Variants in VILL observed in about 807,000 individuals in gnomAD.
The protein encoded by VILL is villin-like protein.
In VILL, 102 loss-of-function variants were observed where a neutral mutation model predicts 106.3. The ratio of observed to expected loss-of-function variants is 0.96; its 90% confidence interval spans 0.82 to 1.13. VILL has a LOEUF of 1.13. VILL is among the 50% of genes most tolerant of loss of function. The pLI is 0.00. For synonymous variants in VILL, 431 were observed against 440.3 expected, an observed-to-expected ratio of 0.98 and a Z score of 0.27; for missense variants, 1,076 against 1,116.6, an observed-to-expected ratio of 0.96 and a Z score of 0.52.
At chr3:38,002,762 C>A in intron 14 of VILL, 187 bp downstream of exon 14, 1 of 704,124 alleles carries the variant, frequency 1.4e-6, no homozygotes, top group Non-Finnish European at 2.3e-6. Flanking sequence ...GACAGGTGGA[C>A]CTGAGAGTCC....
Position 38,001,808 on chromosome 3 carries a change from G to A in VILL, c.1427G>A (p.Ser476Asn). 3 of 1,614,170 alleles carry A rather than the reference G, an allele frequency of 1.9e-6. No homozygotes were observed. The highest frequency in any genetic ancestry group is 2.5e-6 in the Non-Finnish European group (3 of 1,180,000). Residue 476 changes from serine (S) to asparagine (N), a missense_variant, in exon 13 of 20, where the codon AGC becomes AAC. Ser to Asn is a conservative substitution (Grantham distance 46). Transcript: ENST00000383759. Reference sequence around the variant, plus strand: ...GTACAGGAGCATGTGACCATGGGCAGCGAGCCCCCCCACTTCCTCGCCATC... The same window carrying A: ...GTACAGGAGCATGTGACCATGGGCAACGAGCCCCCCCACTTCCTCGCCATC... ...VLVQEHVTMGSEPPHFLAIFQ... is the reference protein window; with the variant it reads ...VLVQEHVTMGNEPPHFLAIFQ...
At position 37,998,291 on chromosome 3, in the gene VILL, G is replaced by T; in HGVS notation, c.869G>T (p.Gly290Val). 6.2e-7 allele frequency: 1 copy of T among 1,614,158 alleles called. No homozygotes were observed. Among genetic ancestry groups the T allele is most frequent in the Non-Finnish European group, 8.5e-7 (1 of 1,180,014 alleles). Residue 290 changes from glycine to valine, a missense_variant, in exon 9 of 20, where the codon GGC becomes GTC. Transcript: ENST00000383759. This position sits in a 1 kb window ranked among gnomAD's most constrained non-coding sequence, Gnocchi z 4.1. ...GACTTCTACATCCTGGACCAGGGTG[G>T]CTTCAAGATCTATGTGTGGCAGGGA... ...EEDFYILDQG[G>V]FKIYVWQGRM...
At chr3:37,993,223 AGACTC>A (rs1699635077) in intron 1 of VILL, among the ~76,000 whole-genome samples, 1 of 152,238 alleles carries the variant, frequency 6.6e-6, no homozygotes, top group South Asian at 2.1e-4. Context: ...CACAGAGCAC[AGACTC>A]GAGCAAGCTA....
chr3:37,996,828 A>C (rs1309270828), intron 5 of VILL, among the ~76,000 whole-genome samples: 1 of 152,192 alleles, frequency 6.6e-6, no homozygotes, highest in African/African-American at 2.4e-5. Flanking sequence ...CACACACACA[A>C]AAGATAAACA....
At chr3:37,996,627 C>G (rs1197631238) in intron 5 of VILL, among the ~76,000 whole-genome samples, 1 of 152,150 alleles carries the variant, frequency 6.6e-6, no homozygotes, top group Admixed American at 6.5e-5. Context: ...AGTGACCATA[C>G]ATCTCTGGTC....
rs752506212 is a variant in VILL at position 38,006,232 on chromosome 3, A to T, written c.2185A>T (p.Thr729Ser). ...GGATGGCAGCCCGGCAGCAGCATCA[A>T]CCATCTCTGAGATAACAGCAGTGAG... ...VVDGSPAAASTISEITAEVNN... is the reference protein window; with the variant it reads ...VVDGSPAAASSISEITAEVNN... Residue 729 changes from threonine to serine, a missense_variant, in exon 18 of 20, where the codon ACC becomes TCC. Thr to Ser is a moderately conservative substitution (Grantham distance 58). Transcript: ENST00000383759. 1 of 1,614,206 alleles carries T rather than the reference A, an allele frequency of 6.2e-7. No homozygotes were observed. The highest frequency in any genetic ancestry group is 8.5e-7 in the Non-Finnish European group (1 of 1,180,028).
At chr3:38,000,686 G>A (rs1200304440) in intron 11 of VILL, among the ~76,000 whole-genome samples, 2 of 152,174 alleles carry the variant, frequency 1.3e-5, no homozygotes, top group Non-Finnish European at 2.9e-5. Context: ...CTGGCTGCCC[G>A]GTAATTGCCA....
At chr3:37,992,860 C>G (rs767861921) in intron 1 of VILL, among the ~76,000 whole-genome samples, 2 of 152,186 alleles carry the variant, frequency 1.3e-5, no homozygotes, top group African/African-American at 4.8e-5. Flanking sequence ...TCTATGACAC[C>G]TATTGTGCCA....
In VILL at chr3:37,998,080, G is replaced by A. The variant is rs747130423; in HGVS notation, c.765-10G>A. The A allele has an allele frequency of 3.7e-6, 6 of 1,601,382 alleles. No homozygotes were observed. The highest frequency in any genetic ancestry group is 1.1e-5 in the South Asian group (1 of 89,316). The stretch of plus-strand genomic sequence containing the variant: ...CTGGGCTGGCCACTCCTGGGTTCCT[G>A]TCCCCCCAGTGTCTATGAGAAGGGC... On this transcript the variant is annotated splice_polypyrimidine_tract_variant and intron_variant, in intron 7 of 19. Coordinates refer to ENST00000383759, the MANE Select transcript of VILL (RefSeq NM_015873.4). The surrounding 1 kb of genome is among the most constrained non-coding windows in gnomAD (Gnocchi z 4.1).
chr3:37,993,392 C>T, intron 1 of VILL, 195 bp from the exon 2 acceptor site: 1 of 466,738 alleles, frequency 2.1e-6, no homozygotes, highest in East Asian at 4.0e-5. Context: ...GCACTGCAGG[C>T]TAGGGTGGCA....
Position 38,001,714 on chromosome 3 carries a change from A to G in VILL, c.1333A>G (p.Thr445Ala). Residue 445 changes from threonine (T) to alanine (A), a missense_variant, in exon 13 of 20, where the codon ACT (threonine) becomes GCT (alanine). Physicochemically the swap from Thr to Ala is moderately conservative, Grantham distance 58. Transcript: ENST00000383759. ...CCCCCACCTGCAGGGCCACCAGGCC[A>G]CTGCGGATGAGATTGAGGCCCTGAA... ...ILYLWQGHQA[T>A]ADEIEALNSN... The G allele has an allele frequency of 6.2e-7, 1 of 1,614,208 alleles. No homozygotes were observed. Among genetic ancestry groups the G allele is most frequent in the Non-Finnish European group, 8.5e-7 (1 of 1,180,004 alleles).
rs1224145531 is a variant in VILL at position 37,997,655 on chromosome 3, A to G, written c.734A>G (p.Gln245Arg). Residue 245 changes from glutamine to arginine, a missense_variant, in exon 7 of 20, where the codon CAG becomes CGG. Transcript: ENST00000383759. This position sits in a 1 kb window ranked among gnomAD's most constrained non-coding sequence, Gnocchi z 4.7. ...RAATPSKDIN[Q>R]LQKANVRLYH... ...GCCACGCCCAGCAAGGATATCAACC[A>G]GCTGCAGAAGGCCAATGTTCGCCTG... 2 of 1,520,992 alleles carry G rather than the reference A, an allele frequency of 1.3e-6. No individual in the cohort carries two copies. Among genetic ancestry groups the G allele is most frequent in the Admixed American group, 1.7e-5 (1 of 57,314 alleles). 94.2% of individuals were successfully genotyped at this position (1,520,992 alleles called of 1,614,324 possible). A position where few individuals can be genotyped will look rare whatever the true frequency, so the allele number is the denominator to read the frequency against.
Position 37,994,195 on chromosome 3 carries a change from C to T in VILL, c.136-66C>T, listed in dbSNP as rs1302837573. ...CGTCTCCCCATGGCCCTTGGTACAT[C>T]CTCCCCTTCTCCACCCGCACCTCCG... On this transcript the variant is annotated intron_variant, in intron 3 of 19. Transcript: ENST00000383759. The T allele has an allele frequency of 3.3e-6, 5 of 1,536,676 alleles. No individual in the cohort carries two copies. In the Admixed American group the frequency reaches 9.7e-5, roughly 30 times the overall value.
In VILL at chr3:37,998,055, C is replaced by A; in HGVS notation, c.765-35C>A. 1.9e-6 allele frequency: 3 copies of A among 1,562,998 alleles called. No individual in the cohort carries two copies. The highest frequency in any genetic ancestry group is 2.6e-6 in the Non-Finnish European group (3 of 1,150,780). On this transcript the variant is annotated intron_variant, in intron 7 of 19. Coordinates refer to ENST00000383759, the MANE Select transcript of VILL (RefSeq NM_015873.4). The surrounding 1 kb of genome is among the most constrained non-coding windows in gnomAD (Gnocchi z 4.1). ...GGAGTGGAGACAGATCAGGGAGGGG[C>A]TGGGCTGGCCACTCCTGGGTTCCTG...
chr3:37,994,340 C>T lies in VILL; in HGVS notation c.215C>T (p.Ala72Val), dbSNP rs1473772659. The change falls in exon 4 of 20, where the codon GCG (alanine) becomes GTG (valine). Residue 72 changes from alanine (A) to valine (V), a missense_variant. Transcript: ENST00000383759. ...GTCGGGAAGCAGGCGGGTGCGGAAG[C>T]GCAGGGCGCTGCGGAGGCCTTCCAG... Reference protein sequence around the residue: ...YWVGKQAGAEAQGAAEAFQQR... With the variant: ...YWVGKQAGAEVQGAAEAFQQR... 1 of 1,611,278 alleles carries T rather than the reference C, an allele frequency of 6.2e-7. No homozygotes were observed. The highest frequency in any genetic ancestry group is 8.5e-7 in the Non-Finnish European group (1 of 1,179,644).
At chr3:37,999,073 AC>A (rs1559657125) in intron 10 of VILL, 23 bp downstream of exon 10, 5 of 128,660 alleles carry the variant, frequency 3.9e-5, no homozygotes, top group South Asian at 2.9e-4. Flanking sequence ...GGCGGGGCTG[AC>A]GGGGGCGGGG....
At chr3:38,006,758 C>CAA (rs2125540351) in intron 19 of VILL, 58 bp downstream of exon 19, 1 of 1,554,634 alleles carries the variant, frequency 6.4e-7, no homozygotes, top group East Asian at 2.3e-5. Flanking sequence ...TGGAGGAGCC[C>CAA]AAGGCAGGAT....
chr3:37,994,866 G>A (rs535243298), intron 4 of VILL, among the ~76,000 whole-genome samples: 19 of 152,318 alleles, frequency 1.2e-4, no homozygotes, highest in African/African-American at 4.1e-4. Context: ...CTTCCCTGAC[G>A]GGATCTTTTT....
At position 37,999,065 on chromosome 3, in the gene VILL, C is replaced by A. The variant is rs776851978; in HGVS notation, c.1081+15C>A. The A allele has an allele frequency of 5.5e-5, 8 of 145,632 alleles. No homozygotes were observed. The highest frequency in any genetic ancestry group is 9.2e-5 in the Non-Finnish European group (8 of 86,926). The allele number at this position is 145,632 out of a possible 1,614,324, so 9.0% of individuals were successfully genotyped here. ...CGGCGGGAGGGGTGAGCGGGCGGGG[C>A]GGGGCTGACGGGGGCGGGGCGGGAC... On this transcript the variant is annotated intron_variant, in intron 10 of 19. Coordinates refer to ENST00000383759, the MANE Select transcript of VILL (RefSeq NM_015873.4).
Sources: gnomAD v4.1 joint callset for allele counts (sites outside exome capture counted in the v4.1 genomes callset) on GRCh38, gnomAD v4.1.1 for gene constraint, Gnocchi (gnomAD v3.1) non-coding constraint, MANE v1.5 for transcripts, NCBI Gene and HGNC (gene_info 2026-07-23, HGNC 2026-07-21) for gene names.